DAAM1: variants seen among roughly 807,000 people sequenced by gnomAD.
The protein encoded by DAAM1 is disheveled-associated activator of morphogenesis 1.
Under a neutral mutation model 130.0 loss-of-function variants are expected in DAAM1, and 52 were observed. The observed-to-expected ratio is 0.40, with a 90% CI of 0.32 to 0.50. The LOEUF (loss-of-function observed/expected upper bound fraction) is 0.50. Ranked by LOEUF, DAAM1 falls within the 20% of genes least tolerant of loss-of-function variation. The pLI is 0.61. For missense variants in DAAM1, 1,134 were observed against 1,303.8 expected (o/e 0.87, Z 2.01); for synonymous variants, 452 against 444.5 (o/e 1.02, Z -0.21).
chr14:59,325,061 G>T (rs770389125), intron 8 of DAAM1, among the ~76,000 whole-genome samples: 1 of 152,092 alleles, frequency 6.6e-6, no homozygotes, highest in Non-Finnish European at 1.5e-5. Context: ...GTGCCTTTGC[G>T]CTTGCTGTTT....
intron 18 of DAAM1, among the ~76,000 whole-genome samples, chr14:59,353,322 G>A (rs1272331904): frequency 6.6e-6 from 1 of 152,192 alleles, no homozygotes; most frequent in African/African-American, 2.4e-5. Flanking sequence ...TCCTTTAGGG[G>A]TGTAGAGAGG....
At chr14:59,245,450 C>A (rs1881327821) in intron 1 of DAAM1, among the ~76,000 whole-genome samples, 1 of 152,124 alleles carries the variant, frequency 6.6e-6, no homozygotes, top group African/African-American at 2.4e-5. Context: ...TGAATTTATT[C>A]CTGTGGAGTC....
rs570475399 is a variant in DAAM1 at position 59,210,938 on chromosome 14, T to G, written c.-38+22170T>G. Among the ~76,000 whole-genome samples the G allele has an allele frequency of 2.6e-5, 4 of 152,130 alleles. No individual in the cohort carries two copies. The South Asian group carries it at 6.2e-4, about 24-fold the overall frequency. Reference sequence around the variant, plus strand: ...AATGTTATGCCCAGTATATTTTGTTTATACATGGTGTTGTAAAACAGATCC... The same window carrying G: ...AATGTTATGCCCAGTATATTTTGTTGATACATGGTGTTGTAAAACAGATCC... On this transcript the variant is annotated intron_variant, in intron 1 of 24. Transcript: ENST00000360909.
chr14:59,365,178 T>G (rs1053153460), intron 23 of DAAM1, among the ~76,000 whole-genome samples: 22 of 151,746 alleles, frequency 1.4e-4, no homozygotes, highest in Admixed American at 1.4e-3. Flanking sequence ...CTGACTGGGG[T>G]GTGTGTGTGT....
chr14:59,312,112 A>G (rs1884622107), intron 3 of DAAM1, among the ~76,000 whole-genome samples: 2 of 152,178 alleles, frequency 1.3e-5, no homozygotes, highest in Non-Finnish European at 1.5e-5. Flanking sequence ...TATAGGCTAA[A>G]TTCCTGAAAG....
chr14:59,225,583 A>G (rs115410153), intron 1 of DAAM1, among the ~76,000 whole-genome samples: 107 of 152,254 alleles, frequency 7.0e-4, no homozygotes, highest in African/African-American at 2.1e-3. Flanking sequence ...CACTTCTTCC[A>G]TTAGCTGGTG....
intron 18 of DAAM1, 58 bp downstream of exon 18, chr14:59,352,690 A>AT: frequency 6.9e-7 from 1 of 1,459,798 alleles, no homozygotes; most frequent in East Asian, 2.4e-5. Context: ...AGCTTCATGA[A>AT]TTTTCAATTC....
At chr14:59,228,867 C>A (rs1375174667) in intron 1 of DAAM1, among the ~76,000 whole-genome samples, 1 of 152,120 alleles carries the variant, frequency 6.6e-6, no homozygotes, top group Non-Finnish European at 1.5e-5. Flanking sequence ...TTTATTTCAC[C>A]TGGATTCTAG....
At chr14:59,324,542 T>C (rs1166552523) in intron 8 of DAAM1, 88 bp downstream of exon 8, 4 of 718,316 alleles carry the variant, frequency 5.6e-6, no homozygotes, top group Non-Finnish European at 6.2e-6. Context: ...CTGTGGTTAC[T>C]TGTGCCCTGT....
At chr14:59,196,699 T>C (rs1356353744) in intron 1 of DAAM1, among the ~76,000 whole-genome samples, 1 of 151,720 alleles carries the variant, frequency 6.6e-6, no homozygotes, top group Non-Finnish European at 1.5e-5. Context: ...GCTGAGATCC[T>C]GCCACTGCAC....
intron 3 of DAAM1, among the ~76,000 whole-genome samples, chr14:59,298,166 G>C (rs1884031565): frequency 6.6e-6 from 1 of 152,144 alleles, no homozygotes; most frequent in South Asian, 2.1e-4. Context: ...GGACCACTGG[G>C]ACATGGTCTG....
At chr14:59,330,101 C>A (rs769523028) in intron 12 of DAAM1, among the ~76,000 whole-genome samples, 5 of 152,210 alleles carry the variant, frequency 3.3e-5, no homozygotes, top group African/African-American at 4.8e-5. Flanking sequence ...CTTTGTCTCA[C>A]TTCTAATTTG....
intron 1 of DAAM1, among the ~76,000 whole-genome samples, chr14:59,250,919 C>A (rs1361474739): frequency 6.6e-6 from 1 of 151,898 alleles, no homozygotes; most frequent in Non-Finnish European, 1.5e-5. Context: ...TCATTTTTTT[C>A]ATGTCAGTCC....
chr14:59,360,585 A>G (rs1202888261), intron 21 of DAAM1: 2 of 370,016 alleles, frequency 5.4e-6, no homozygotes, highest in Admixed American at 4.6e-5. Context: ...AACCTGTAAA[A>G]TATACCTGCT....
chr14:59,260,227 C>T lies in DAAM1; in HGVS notation c.-37-3214C>T, dbSNP rs186252581. Reference sequence around the variant, plus strand: ...AGGAACATTTTTGCATACTCATGCTCATTTCCCCCTCTAATATAAGCAGAT... The same window carrying T: ...AGGAACATTTTTGCATACTCATGCTTATTTCCCCCTCTAATATAAGCAGAT... On this transcript the variant is annotated intron_variant, in intron 1 of 24. Transcript: ENST00000360909. Among the ~76,000 whole-genome samples, 5 of 152,302 alleles carry T rather than the reference C, an allele frequency of 3.3e-5. No homozygotes were observed. In the East Asian group the frequency reaches 7.7e-4, roughly 23 times the overall value.
chr14:59,270,056 C>T (rs751532024), intron 2 of DAAM1, among the ~76,000 whole-genome samples: 1 of 152,144 alleles, frequency 6.6e-6, no homozygotes, highest in Non-Finnish European at 1.5e-5. Flanking sequence ...TAATGAAGTA[C>T]ATCAAAATAT....
At chr14:59,247,781 C>G (rs1481835815) in intron 1 of DAAM1, among the ~76,000 whole-genome samples, 1 of 151,242 alleles carries the variant, frequency 6.6e-6, no homozygotes, top group Non-Finnish European at 1.5e-5. Context: ...GAAGGAGCCA[C>G]TCTTAATGGG....
chr14:59,267,138 G>A (rs983212945), intron 2 of DAAM1, among the ~76,000 whole-genome samples: 10 of 152,110 alleles, frequency 6.6e-5, no homozygotes, highest in Admixed American at 2.0e-4. Context: ...TGGTGTGAGC[G>A]GGCCAATGTG....
In DAAM1 at chr14:59,366,443, A is replaced by G. The variant is rs200475180; in HGVS notation, c.2827-986A>G. Among the ~76,000 whole-genome samples the G allele has an allele frequency of 2.6e-5, 4 of 152,270 alleles. No homozygotes were observed. The East Asian group carries it at 7.7e-4, about 29-fold the overall frequency. On this transcript the variant is annotated intron_variant, in intron 23 of 24. Transcript: ENST00000360909. ...AGGCACTGGCTCCCATTTGCTTTCT[A>G]TATTGACCATATGGCACCAGTAAAT...
Sources: gnomAD v4.1 joint callset for allele counts (sites outside exome capture counted in the v4.1 genomes callset) on GRCh38, gnomAD v4.1.1 for gene constraint, MANE v1.5 for transcripts, NCBI Gene and HGNC (gene_info 2026-07-23, HGNC 2026-07-21) for gene names.